Variants in CAMSAP2 observed in about 807,000 individuals in gnomAD.
CAMSAP2 encodes calmodulin-regulated spectrin-associated protein 2.
In CAMSAP2, 26 loss-of-function variants were observed where a neutral mutation model predicts 146.1. The observed-to-expected ratio is 0.18, with a 90% confidence interval of 0.13 to 0.25. The LOEUF is 0.25. CAMSAP2 is among the 10% of genes least tolerant of loss of function. CAMSAP2 has a pLI of 1.00. For missense variants in CAMSAP2, 1,381 were observed against 1,759.3 expected, an observed-to-expected ratio of 0.78 and a Z score of 3.85; for synonymous variants, 499 against 596.6, an observed-to-expected ratio of 0.84 and a Z score of 2.38.
At chr1:200,828,322 A>G (rs1666955208) in intron 4 of CAMSAP2, among the ~76,000 whole-genome samples, 1 of 152,228 alleles carries the variant, frequency 6.6e-6, no homozygotes, top group African/African-American at 2.4e-5. Context: ...AGTATACAGC[A>G]TATTCTAGGT....
At chr1:200,778,074 T>G (rs2103019078) in intron 2 of CAMSAP2, among the ~76,000 whole-genome samples, 1 of 152,288 alleles carries the variant, frequency 6.6e-6, no homozygotes, top group East Asian at 1.9e-4. Flanking sequence ...CTTGTTAAAG[T>G]GTGCTTTTTA....
intron 4 of CAMSAP2, among the ~76,000 whole-genome samples, chr1:200,831,423 G>GT (rs1434383115): frequency 6.6e-6 from 1 of 152,148 alleles, no homozygotes; most frequent in Non-Finnish European, 1.5e-5. Context: ...CACAAAACTA[G>GT]TAAGTGGCAG....
At chr1:200,765,418 A>G (rs1265656985) in intron 2 of CAMSAP2, among the ~76,000 whole-genome samples, 4 of 152,044 alleles carry the variant, frequency 2.6e-5, no homozygotes, top group African/African-American at 7.2e-5. Flanking sequence ...TTTAGTAGAG[A>G]TGGGGTTTCA....
chr1:200,806,763 GTGTATCTATC>G lies in CAMSAP2; in HGVS notation c.400-611_400-602del, dbSNP rs1553286368. On this transcript the variant is annotated intron_variant, in intron 2 of 16. Transcript: ENST00000358823. ...TATAATTGTGTGTGTGTGTGTGTGT[GTGTATCTATC>G]TATCTATCTATCTATCTATCTATCT... Among the ~76,000 whole-genome samples, 177 of 117,738 alleles carry G rather than the reference GTGTATCTATC, an allele frequency of 1.5e-3. 1 individual carries two copies. Among genetic ancestry groups the G allele is most frequent in the Non-Finnish European group, 2.6e-3 (141 of 54,948 alleles). The allele number at this position is 117,738 out of a possible 152,430, so 77.2% of individuals were successfully genotyped here.
chr1:200,804,302 A>G (rs1666115281), intron 2 of CAMSAP2, among the ~76,000 whole-genome samples: 1 of 152,004 alleles, frequency 6.6e-6, no homozygotes, highest in Non-Finnish European at 1.5e-5. Context: ...AAACAGTATT[A>G]TAGTGTGGTA....
At chr1:200,830,216 C>T (rs937536416) in intron 4 of CAMSAP2, among the ~76,000 whole-genome samples, 1 of 152,200 alleles carries the variant, frequency 6.6e-6, no homozygotes, top group Non-Finnish European at 1.5e-5. Flanking sequence ...AGAATACAAT[C>T]TTTAGGAAAA....
chr1:200,813,720 A>G (rs1666396674), intron 3 of CAMSAP2, among the ~76,000 whole-genome samples: 1 of 152,192 alleles, frequency 6.6e-6, no homozygotes, highest in South Asian at 2.1e-4. Flanking sequence ...TCAGTGGGGA[A>G]AAAAATAAAA....
At chr1:200,825,114 C>T (rs181751954) in intron 4 of CAMSAP2, among the ~76,000 whole-genome samples, 425 of 152,288 alleles carry the variant, frequency 2.8e-3, no homozygotes, top group African/African-American at 9.4e-3. Context: ...CCCGCCTTCA[C>T]TGTGGTTATA....
intron 6 of CAMSAP2, among the ~76,000 whole-genome samples, chr1:200,839,975 G>A (rs1410492624): frequency 6.6e-6 from 1 of 152,170 alleles, no homozygotes; most frequent in African/African-American, 2.4e-5. Context: ...TTTAATGGCT[G>A]CTTCAATTAG....
chr1:200,851,041 T>G (rs2102257874), intron 11 of CAMSAP2, among the ~76,000 whole-genome samples: 1 of 152,328 alleles, frequency 6.6e-6, no homozygotes, highest in East Asian at 1.9e-4. Context: ...TATAATTCCT[T>G]CAGTCGAGGT....
At chr1:200,790,361 G>A (rs542260199) in intron 2 of CAMSAP2, among the ~76,000 whole-genome samples, 3 of 152,182 alleles carry the variant, frequency 2.0e-5, no homozygotes, top group Admixed American at 6.5e-5. Context: ...CTGGGGGGAA[G>A]GGTTGGGGAC....
chr1:200,775,565 T>C (rs1306386048), intron 2 of CAMSAP2, among the ~76,000 whole-genome samples: 1 of 152,240 alleles, frequency 6.6e-6, no homozygotes, highest in Non-Finnish European at 1.5e-5. Context: ...AGTCTCACTC[T>C]GTTGCCCAGG....
intron 1 of CAMSAP2, among the ~76,000 whole-genome samples, chr1:200,758,469 T>C (rs1238956211): frequency 6.6e-6 from 1 of 152,260 alleles, no homozygotes; most frequent in African/African-American, 2.4e-5. Context: ...ACCATCACGC[T>C]GAGGCAGCTA....
chr1:200,772,003 C>A (rs752677130), intron 2 of CAMSAP2, among the ~76,000 whole-genome samples: 25 of 152,220 alleles, frequency 1.6e-4, no homozygotes, highest in South Asian at 4.1e-4. Flanking sequence ...TAAAAAGCCA[C>A]CCATTGACCA....
chr1:200,776,621 G>A (rs892811031), intron 2 of CAMSAP2, among the ~76,000 whole-genome samples: 4 of 152,152 alleles, frequency 2.6e-5, no homozygotes, highest in Admixed American at 2.6e-4. Flanking sequence ...GTACTTGGGA[G>A]ACGGAGGCAG....
chr1:200,847,397 G>GT (rs1667486462), intron 9 of CAMSAP2, 105 bp downstream of exon 9: 1 of 785,574 alleles, frequency 1.3e-6, no homozygotes, highest in African/African-American at 1.8e-5. Context: ...TTTTTTGTGT[G>GT]TGTGTGTGTG....
At chr1:200,740,447 G>A (rs188596241) in intron 1 of CAMSAP2, among the ~76,000 whole-genome samples, 9 of 152,298 alleles carry the variant, frequency 5.9e-5, no homozygotes, top group Admixed American at 4.6e-4. Context: ...AAGGTGGCCT[G>A]TGTCGAGTGC....
chr1:200,806,709 C>T (rs966205646), intron 2 of CAMSAP2, among the ~76,000 whole-genome samples: 7 of 151,746 alleles, frequency 4.6e-5, no homozygotes, highest in Admixed American at 3.9e-4. Flanking sequence ...ACTTCATATA[C>T]TACTGTAATG....
At chr1:200,809,362 T>C (rs1666265030) in intron 3 of CAMSAP2, among the ~76,000 whole-genome samples, 2 of 152,242 alleles carry the variant, frequency 1.3e-5, no homozygotes, top group South Asian at 4.1e-4. Flanking sequence ...CCCTTTTTTG[T>C]GGTCATTGGT....
Sources: gnomAD v4.1 joint callset for allele counts (sites outside exome capture counted in the v4.1 genomes callset) on GRCh38, gnomAD v4.1.1 for gene constraint, MANE v1.5 for transcripts, NCBI Gene and HGNC (gene_info 2026-07-23, HGNC 2026-07-21) for gene names.